Variants in ZNF385B observed in about 807,000 individuals in gnomAD.
ZNF385B encodes zinc finger protein 533.
A neutral mutation model predicts 39.2 loss-of-function variants in ZNF385B; 23 were observed. That is an observed-to-expected ratio of 0.59 (90% CI 0.42 to 0.83). The LOEUF (loss-of-function observed/expected upper bound fraction) is 0.83, where lower values mean the gene tolerates loss of function less well. Ranked by LOEUF, ZNF385B falls within the 40% of genes least tolerant of loss-of-function variation. The pLI is 0.00. For missense variants in ZNF385B, 552 were observed against 598.9 expected (o/e 0.92, Z 0.82); for synonymous variants, 205 against 222.6 (o/e 0.92, Z 0.70).
At chr2:179,600,178 G>GCCT (rs1252279131) in intron 3 of ZNF385B, among the ~76,000 whole-genome samples, 1 of 152,146 alleles carries the variant, frequency 6.6e-6, no homozygotes, top group Non-Finnish European at 1.5e-5. Flanking sequence ...GTCTGGCTTA[G>GCCT]CCTAAGGCCA....
intron 4 of ZNF385B, among the ~76,000 whole-genome samples, chr2:179,523,348 GTTT>G (rs574497139): frequency 9.2e-6 from 1 of 108,672 alleles, no homozygotes; most frequent in Non-Finnish European, 1.9e-5. Flanking sequence ...ATCTGTGTGC[GTTT>G]TTTTTTTTTT....
At chr2:179,516,851 T>C (rs1053731298) in intron 5 of ZNF385B, among the ~76,000 whole-genome samples, 2 of 149,978 alleles carry the variant, frequency 1.3e-5, no homozygotes, top group African/African-American at 4.8e-5. Flanking sequence ...ACTGTTTTCA[T>C]CTAGAAGTTT....
intron 5 of ZNF385B, among the ~76,000 whole-genome samples, chr2:179,493,524 T>C (rs2055535539): frequency 6.6e-6 from 1 of 151,388 alleles, no homozygotes; most frequent in African/African-American, 2.4e-5. Flanking sequence ...TACATATGTG[T>C]GTACATATAT....
chr2:179,546,535 T>C (rs1407648866), intron 3 of ZNF385B, among the ~76,000 whole-genome samples: 1 of 152,228 alleles, frequency 6.6e-6, no homozygotes, highest in Non-Finnish European at 1.5e-5. Flanking sequence ...TTCATCCATG[T>C]TGTTACAAAT....
intron 3 of ZNF385B, among the ~76,000 whole-genome samples, chr2:179,641,850 C>T (rs1304173327): frequency 6.6e-6 from 1 of 152,082 alleles, no homozygotes; most frequent in Non-Finnish European, 1.5e-5. Context: ...CAGAGGCTCT[C>T]TTGTGTCCTG....
chr2:179,558,036 C>A (rs2061069626), intron 3 of ZNF385B, among the ~76,000 whole-genome samples: 1 of 152,154 alleles, frequency 6.6e-6, no homozygotes, highest in Non-Finnish European at 1.5e-5. Flanking sequence ...GTAGGAGGCA[C>A]ACTCACATTT....
chr2:179,764,980 G>T (rs1247699455), intron 3 of ZNF385B, among the ~76,000 whole-genome samples: 3 of 152,150 alleles, frequency 2.0e-5, no homozygotes, highest in Non-Finnish European at 4.4e-5. Context: ...CCTCAGACTA[G>T]AACTATACCA....
intron 3 of ZNF385B, among the ~76,000 whole-genome samples, chr2:179,663,727 A>AAAAAAAAAAAAAAAAAAAAAC (rs1694789751): frequency 6.6e-6 from 1 of 151,676 alleles, no homozygotes; most frequent in Non-Finnish European, 1.5e-5. Flanking sequence ...AAAAAAAAAA[A>AAAAAAAAAAAAAAAAAAAAAC]AAAAAAAAAA....
intron 3 of ZNF385B, among the ~76,000 whole-genome samples, chr2:179,654,210 G>A (rs980154917): frequency 6.6e-6 from 1 of 152,100 alleles, no homozygotes; most frequent in Admixed American, 6.6e-5. Flanking sequence ...CCTGTGTATT[G>A]TACACAGGTA....
In ZNF385B at chr2:179,708,264, CA is replaced by C. The variant is rs1238772326; in HGVS notation, c.298+61238del. ...TGTTCTCTTGATAGTGAGTGTTTGA[CA>C]ATTCCTCCTTCACATGCTCTCCTCT... On this transcript the variant is annotated intron_variant, in intron 3 of 9. Coordinates refer to ENST00000410066, the MANE Select transcript of ZNF385B (RefSeq NM_152520.6). 3.3e-5 allele frequency among the ~76,000 whole-genome samples: 5 copies of C among 152,302 alleles called. No individual in the cohort carries two copies. In the East Asian group the frequency reaches 9.7e-4, roughly 29 times the overall value.
intron 6 of ZNF385B, among the ~76,000 whole-genome samples, chr2:179,462,173 T>C (rs2051406330): frequency 6.6e-6 from 1 of 152,220 alleles, no homozygotes. Context: ...AACATCTCAT[T>C]ATTATTCCAA....
intron 3 of ZNF385B, among the ~76,000 whole-genome samples, chr2:179,639,448 A>G (rs1456142203): frequency 2.4e-4 from 36 of 152,090 alleles, no homozygotes; most frequent in Admixed American, 2.4e-3. Flanking sequence ...GTGAGAGTTG[A>G]TGAATGTGTT....
chr2:179,643,604 G>A (rs1222949268), intron 3 of ZNF385B, among the ~76,000 whole-genome samples: 1 of 152,084 alleles, frequency 6.6e-6, no homozygotes, highest in Non-Finnish European at 1.5e-5. Context: ...AGCAAAAGAG[G>A]CCAGTTTCAA....
intron 3 of ZNF385B, among the ~76,000 whole-genome samples, chr2:179,712,412 G>A (rs776001341): frequency 1.3e-5 from 2 of 152,136 alleles, no homozygotes; most frequent in African/African-American, 2.4e-5. Context: ...AAGCATTCTG[G>A]AGTGAGTAGC....
At chr2:179,499,869 ATTATC>A (rs1559350919) in intron 5 of ZNF385B, among the ~76,000 whole-genome samples, 1 of 152,010 alleles carries the variant, frequency 6.6e-6, no homozygotes, top group Non-Finnish European at 1.5e-5. Flanking sequence ...TGCAGATAAT[ATTATC>A]TTATATTTGT....
At chr2:179,722,537 T>C (rs563531019) in intron 3 of ZNF385B, among the ~76,000 whole-genome samples, 171 of 152,150 alleles carry the variant, frequency 1.1e-3, no homozygotes, top group Non-Finnish European at 1.9e-3. Flanking sequence ...TGGTTATCTA[T>C]ACAGAAGAAA....
At chr2:179,659,421 T>C (rs1013160216) in intron 3 of ZNF385B, among the ~76,000 whole-genome samples, 1 of 152,194 alleles carries the variant, frequency 6.6e-6, no homozygotes, top group Non-Finnish European at 1.5e-5. Context: ...AAATTCTTAT[T>C]ATGCTCTTTT....
chr2:179,792,375 C>CTTTTTTTTTTT (rs374147864), intron 1 of ZNF385B, among the ~76,000 whole-genome samples: 4 of 124,106 alleles, frequency 3.2e-5, no homozygotes, highest in South Asian at 2.6e-4. Context: ...ATTTTCTTTT[C>CTTTTTTTTTTT]TTTTTTTTTT....
chr2:179,663,566 C>T (rs1007831041), intron 3 of ZNF385B, among the ~76,000 whole-genome samples: 6 of 151,960 alleles, frequency 3.9e-5, no homozygotes, highest in Non-Finnish European at 7.4e-5. Flanking sequence ...AAAAATTAGA[C>T]GGGCGTGGTG....
Sources: gnomAD v4.1 joint callset for allele counts (sites outside exome capture counted in the v4.1 genomes callset) on GRCh38, gnomAD v4.1.1 for gene constraint, MANE v1.5 for transcripts, NCBI Gene and HGNC (gene_info 2026-07-23, HGNC 2026-07-21) for gene names.